The following ROR1 variants were observed in gnomAD, a reference collection of about 807,000 sequenced individuals.
ROR1 encodes inactive tyrosine-protein kinase transmembrane receptor ROR1.
In ROR1, 19 loss-of-function variants were observed where a neutral mutation model predicts 78.8. The observed-to-expected ratio is 0.24, with a 90% CI of 0.17 to 0.35. The LOEUF (loss-of-function observed/expected upper bound fraction) is 0.35, where lower values mean the gene tolerates loss of function less well. ROR1 is among the 10% of genes least tolerant of loss of function. The pLI is 1.00. For missense variants in ROR1, 917 were observed against 1,177.8 expected (o/e 0.78, Z 3.24); for synonymous variants, 386 against 433.6 (o/e 0.89, Z 1.36).
intron 1 of ROR1, among the ~76,000 whole-genome samples, chr1:63,811,766 G>A (rs1237997266): frequency 6.6e-6 from 1 of 151,980 alleles, no homozygotes; most frequent in South Asian, 2.1e-4. Flanking sequence ...ATAAGCTAAG[G>A]TTCCACTCCC....
At chr1:63,785,820 C>T (rs1644681427) in intron 1 of ROR1, among the ~76,000 whole-genome samples, 1 of 152,206 alleles carries the variant, frequency 6.6e-6, no homozygotes. Context: ...GCCACCGCGC[C>T]CGGCCTACGC....
In ROR1 at chr1:63,893,531, A is replaced by G. The variant is rs184004779; in HGVS notation, c.92-115774A>G. 1.3e-3 allele frequency among the ~76,000 whole-genome samples: 193 copies of G among 152,302 alleles called. 1 individual carries two copies. Among genetic ancestry groups the G allele is most frequent in the African/African-American group, 4.4e-3 (184 of 41,576 alleles). ...TGATTTTTGATGACACCATTTCAAG[A>G]GTATCCTTCATGATGTCCAGGTTAA... On this transcript the variant is annotated intron_variant, in intron 1 of 8. Coordinates refer to ENST00000371079, the MANE Select transcript of ROR1 (RefSeq NM_005012.4).
intron 1 of ROR1, among the ~76,000 whole-genome samples, chr1:63,954,232 C>T (rs1469740527): frequency 6.6e-6 from 1 of 152,220 alleles, no homozygotes; most frequent in Non-Finnish European, 1.5e-5. Context: ...GGTGGCACGT[C>T]AGTGTGCCTA....
In ROR1 at chr1:63,774,237, C is replaced by T. The variant is rs1644596541; in HGVS notation, c.-181C>T. 1.0e-5 allele frequency: 3 copies of T among 288,678 alleles called. No individual in the cohort carries two copies. In the South Asian group the frequency reaches 1.7e-4, roughly 17 times the overall value. The allele number at this position is 288,678 out of a possible 1,614,324, so 17.9% of individuals were successfully genotyped here. A position where few individuals can be genotyped will look rare whatever the true frequency, so the allele number is the denominator to read the frequency against. ...TGGGAAGGGATCGCGCTCGCGGCAT[C>T]CAGAGGCGGCCAGGCGGAGGCGAGG... On this transcript the variant is annotated 5_prime_UTR_variant, in exon 1 of 9. Coordinates refer to ENST00000371079, the MANE Select transcript of ROR1 (RefSeq NM_005012.4). The surrounding 1 kb of genome is among the most constrained non-coding windows in gnomAD (Gnocchi z 5.7).
At chr1:63,945,950 A>T (rs1200038768) in intron 1 of ROR1, among the ~76,000 whole-genome samples, 1 of 152,214 alleles carries the variant, frequency 6.6e-6, no homozygotes, top group Admixed American at 6.5e-5. Flanking sequence ...ATCATAGAGG[A>T]ATCATCTCCC....
chr1:63,943,179 C>T lies in ROR1; in HGVS notation c.92-66126C>T, dbSNP rs78219832. Among the ~76,000 whole-genome samples, 431 of 150,912 alleles carry T rather than the reference C, an allele frequency of 2.9e-3. 2 individuals are homozygous for T. The highest frequency in any genetic ancestry group is 0.01 in the African/African-American group (418 of 41,022). ...GACATATTGAATGAATGAATAGGTA[C>T]ACAGATGACACCTCCTTCCTGGATT... On this transcript the variant is annotated intron_variant, in intron 1 of 8. Transcript: ENST00000371079.
chr1:63,785,304 G>A (rs1348221357), intron 1 of ROR1, among the ~76,000 whole-genome samples: 2 of 152,070 alleles, frequency 1.3e-5, no homozygotes, highest in African/African-American at 2.4e-5. Flanking sequence ...CTTCCATTGT[G>A]GTGATGGACT....
intron 1 of ROR1, among the ~76,000 whole-genome samples, chr1:63,953,731 C>T (rs1645959505): frequency 6.6e-6 from 1 of 152,152 alleles, no homozygotes; most frequent in African/African-American, 2.4e-5. Context: ...AGATTTCCCA[C>T]AGTAAGGGCC....
intron 2 of ROR1, among the ~76,000 whole-genome samples, chr1:64,042,617 C>T (rs1569611318): frequency 1.3e-5 from 2 of 152,286 alleles, no homozygotes; most frequent in Admixed American, 1.3e-4. Context: ...TTACCTTCAG[C>T]TCTGTGTGTT....
intron 1 of ROR1, among the ~76,000 whole-genome samples, chr1:63,880,345 A>C (rs1409357976): frequency 1.3e-5 from 2 of 152,152 alleles, no homozygotes; most frequent in Non-Finnish European, 2.9e-5. Flanking sequence ...TATTCTTCTC[A>C]TGGGGCCTTT....
chr1:64,149,849 T>C (rs527789416), intron 7 of ROR1, among the ~76,000 whole-genome samples: 5 of 152,200 alleles, frequency 3.3e-5, no homozygotes, highest in Non-Finnish European at 7.3e-5. Context: ...CCCTTTATCA[T>C]TGCTTTTCTA....
intron 1 of ROR1, among the ~76,000 whole-genome samples, chr1:63,855,456 TG>T (rs1216706058): frequency 6.6e-6 from 1 of 152,230 alleles, no homozygotes; most frequent in East Asian, 1.9e-4. Context: ...CAGTTGAAGT[TG>T]TTCCTCAACT....
chr1:63,822,647 A>G (rs1644930243), intron 1 of ROR1, among the ~76,000 whole-genome samples: 1 of 152,154 alleles, frequency 6.6e-6, no homozygotes, highest in African/African-American at 2.4e-5. Flanking sequence ...CCCACTTATC[A>G]GTGTTATTGT....
At chr1:64,135,982 C>G (rs928920502) in intron 4 of ROR1, among the ~76,000 whole-genome samples, 59 of 152,170 alleles carry the variant, frequency 3.9e-4, no homozygotes, top group African/African-American at 1.4e-3. Context: ...GACTCCTACG[C>G]TAGACCTTCA....
At chr1:64,053,720 A>T (rs2100596494) in intron 4 of ROR1, among the ~76,000 whole-genome samples, 1 of 152,348 alleles carries the variant, frequency 6.6e-6, no homozygotes, top group South Asian at 2.1e-4. Flanking sequence ...AAGAGCCAGG[A>T]ACTATGAAAA....
chr1:63,871,443 A>G (rs1191304373), intron 1 of ROR1, among the ~76,000 whole-genome samples: 4 of 152,152 alleles, frequency 2.6e-5, no homozygotes, highest in Admixed American at 2.6e-4. Context: ...ATTGGTTGCT[A>G]TGAGAGATCG....
chr1:64,014,755 T>C lies in ROR1; in HGVS notation c.163+5379T>C, dbSNP rs1249951800. On this transcript the variant is annotated intron_variant, in intron 2 of 8. Transcript: ENST00000371079. ...CATACGCACACTATATATATATATA[T>C]ATATATATATATATATATACACATT... Among the ~76,000 whole-genome samples, 50 of 37,630 alleles carry C rather than the reference T, an allele frequency of 1.3e-3. 10 individuals are homozygous for C. In the East Asian group the frequency reaches 0.029, roughly 22 times the overall value. The allele number at this position is 37,630 out of a possible 152,430, so 24.7% of individuals were successfully genotyped here. A position where few individuals can be genotyped will look rare whatever the true frequency, so the allele number is the denominator to read the frequency against.
At chr1:64,027,757 A>G (rs1293013734) in intron 2 of ROR1, among the ~76,000 whole-genome samples, 1 of 150,914 alleles carries the variant, frequency 6.6e-6, no homozygotes. Flanking sequence ...GCTTGGTCTC[A>G]GCTCACTGCA....
chr1:63,889,555 G>A (rs978620521), intron 1 of ROR1, among the ~76,000 whole-genome samples: 1 of 152,058 alleles, frequency 6.6e-6, no homozygotes, highest in Admixed American at 6.5e-5. Context: ...CTGGCTTTGG[G>A]TATTCTAGCA....
Sources: allele counts gnomAD v4.1 joint callset (sites outside exome capture counted in the v4.1 genomes callset), GRCh38; gene constraint gnomAD v4.1.1; non-coding constraint Gnocchi (gnomAD v3.1); transcripts MANE v1.5; gene names NCBI Gene and HGNC (gene_info 2026-07-23, HGNC 2026-07-21).